FOXN3: variants seen among roughly 807,000 people sequenced by gnomAD.
FOXN3 encodes forkhead box N3.
A neutral mutation model predicts 38.4 loss-of-function variants in FOXN3; 7 were observed. The ratio of observed to expected loss-of-function variants is 0.18; its 90% CI spans 0.10 to 0.34. FOXN3 has a LOEUF of 0.34. Ranked by LOEUF, FOXN3 falls within the 10% of genes least tolerant of loss-of-function variation. The pLI, the probability that FOXN3 is intolerant of heterozygous loss-of-function variation, is 1.00. For synonymous variants in FOXN3, 230 were observed against 242.2 expected, an observed-to-expected ratio of 0.95 and a Z score of 0.47; for missense variants, 456 against 613.4, an observed-to-expected ratio of 0.74 and a Z score of 2.71.
intron 5 of FOXN3, 97 bp downstream of exon 5, chr14:89,180,604 G>T: frequency 1.2e-6 from 1 of 824,656 alleles, no homozygotes; most frequent in Non-Finnish European, 1.8e-6. Flanking sequence ...TCACTAGTTC[G>T]AAGCAGCTCC....
At chr14:89,451,861 G>C (rs1459393427) in intron 1 of FOXN3, among the ~76,000 whole-genome samples, 1 of 152,016 alleles carries the variant, frequency 6.6e-6, no homozygotes, top group Admixed American at 6.6e-5. Context: ...TGGTAACGGG[G>C]GGCTGCAGTG....
intron 1 of FOXN3, among the ~76,000 whole-genome samples, chr14:89,612,918 G>C (rs566842531): frequency 6.6e-6 from 1 of 151,878 alleles, no homozygotes; most frequent in Non-Finnish European, 1.5e-5. Context: ...AGCAGTTTCA[G>C]ACGAGCCTGG....
Position 89,313,016 on chromosome 14 carries a change from C to T in FOXN3, c.681-32002G>A, listed in dbSNP as rs981531163. Among the ~76,000 whole-genome samples, 6 of 152,338 alleles carry T rather than the reference C, an allele frequency of 3.9e-5. No individual in the cohort carries two copies. In the East Asian group the frequency reaches 9.6e-4, roughly 24 times the overall value. The stretch of plus-strand genomic sequence containing the variant: ...TGTCGCTTTGTCCCAAAGAGGACAA[C>T]TCTAGAACAGTCCCTCAGCAAATCA... On this transcript the variant is annotated intron_variant, in intron 3 of 5. Transcript: ENST00000557258.
intron 1 of FOXN3, among the ~76,000 whole-genome samples, chr14:89,555,429 T>C (rs1003135990): frequency 6.6e-6 from 1 of 152,210 alleles, no homozygotes; most frequent in Non-Finnish European, 1.5e-5. Context: ...AGTAACAGTA[T>C]TATCAACTTC....
intron 1 of FOXN3, among the ~76,000 whole-genome samples, chr14:89,569,673 T>C (rs1029932522): frequency 2.0e-5 from 3 of 152,328 alleles, no homozygotes; most frequent in Admixed American, 1.3e-4. Context: ...TGGAGAATAA[T>C]AGTTAAAATG....
At chr14:89,189,714 T>C (rs1256848990) in intron 4 of FOXN3, among the ~76,000 whole-genome samples, 1 of 152,174 alleles carries the variant, frequency 6.6e-6, no homozygotes, top group East Asian at 1.9e-4. Flanking sequence ...GGTAAAAACC[T>C]CAGGTGGTGA....
chr14:89,309,189 C>A (rs920603500), intron 3 of FOXN3, among the ~76,000 whole-genome samples: 1 of 152,192 alleles, frequency 6.6e-6, no homozygotes, highest in Admixed American at 6.5e-5. Context: ...CTCTCCAGGG[C>A]CTCTCCTCCG....
At chr14:89,364,915 C>T (rs912032943) in intron 2 of FOXN3, among the ~76,000 whole-genome samples, 5 of 152,126 alleles carry the variant, frequency 3.3e-5, no homozygotes, top group Non-Finnish European at 5.9e-5. Flanking sequence ...AGAAGCTGGA[C>T]GGTATGTGTG....
At chr14:89,264,890 A>C (rs957839660) in intron 4 of FOXN3, among the ~76,000 whole-genome samples, 2 of 152,192 alleles carry the variant, frequency 1.3e-5, no homozygotes, top group African/African-American at 4.8e-5. Flanking sequence ...CACTGCTGCA[A>C]TAATTCTTAC....
At chr14:89,264,842 A>C (rs574769371) in intron 4 of FOXN3, among the ~76,000 whole-genome samples, 3 of 152,272 alleles carry the variant, frequency 2.0e-5, no homozygotes, top group Admixed American at 6.5e-5. Flanking sequence ...TTCATCATCA[A>C]ATCAAAATTC....
intron 1 of FOXN3, among the ~76,000 whole-genome samples, chr14:89,517,354 TAAAAAAAAAAA>T (rs57430361): frequency 0.49 from 64,481 of 130,526 alleles, 15,294 homozygotes; most frequent in Admixed American, 0.57. Flanking sequence ...GACCCTGTCT[TAAAAAAAAAAA>T]AAAAAAAAAA....
intron 2 of FOXN3, among the ~76,000 whole-genome samples, chr14:89,410,418 G>T (rs987638823): frequency 1.3e-5 from 2 of 152,146 alleles, no homozygotes; most frequent in East Asian, 3.9e-4. Context: ...AACACACAAA[G>T]CGGGAAAACA....
chr14:89,364,553 ACAGAGTCCCTGATAATC>A (rs1890078650), intron 2 of FOXN3: 1 of 152,366 alleles, frequency 6.6e-6, no homozygotes, highest in South Asian at 2.1e-4. Flanking sequence ...GGAGCTGGAT[ACAGAGTCCCTGATAATC>A]CCAGCCACAG....
At chr14:89,392,594 C>T (rs1404189723) in intron 2 of FOXN3, among the ~76,000 whole-genome samples, 1 of 151,468 alleles carries the variant, frequency 6.6e-6, no homozygotes, top group African/African-American at 2.4e-5. Context: ...CCTGCCCTCA[C>T]ACTCACACGG....
At chr14:89,549,305 G>A (rs1320222682) in intron 1 of FOXN3, among the ~76,000 whole-genome samples, 2 of 146,888 alleles carry the variant, frequency 1.4e-5, no homozygotes, top group Non-Finnish European at 3.0e-5. Context: ...ATTTTCTTTT[G>A]AAATGTTAAC....
chr14:89,366,094 T>C (rs1596230673), intron 2 of FOXN3, among the ~76,000 whole-genome samples: 1 of 151,370 alleles, frequency 6.6e-6, no homozygotes, highest in South Asian at 2.1e-4. Context: ...TACTGAAAAA[T>C]ACAAAAAAAT....
At chr14:89,431,769 C>A (rs781024411) in intron 1 of FOXN3, among the ~76,000 whole-genome samples, 1 of 152,150 alleles carries the variant, frequency 6.6e-6, no homozygotes, top group Non-Finnish European at 1.5e-5. Flanking sequence ...GGCTGGAGTG[C>A]AATGGCACAA....
chr14:89,543,084 T>C (rs574896311), intron 1 of FOXN3, among the ~76,000 whole-genome samples: 3 of 152,256 alleles, frequency 2.0e-5, no homozygotes, highest in South Asian at 4.1e-4. Flanking sequence ...AATACACAGG[T>C]GCTTTTCAAT....
At chr14:89,349,075 C>T (rs1566962915) in intron 3 of FOXN3, among the ~76,000 whole-genome samples, 5 of 151,794 alleles carry the variant, frequency 3.3e-5, no homozygotes, top group African/African-American at 7.3e-5. Flanking sequence ...CTTGGAGAGT[C>T]GGGGGGTGGG....
Sources: allele counts gnomAD v4.1 joint callset (sites outside exome capture counted in the v4.1 genomes callset), GRCh38; gene constraint gnomAD v4.1.1; transcripts MANE v1.5; gene names NCBI Gene and HGNC (gene_info 2026-07-23, HGNC 2026-07-21).